The following ABI3BP variants were observed in gnomAD, a reference collection of about 807,000 sequenced individuals.
ABI3BP encodes the protein target of Nesh-SH3.
A neutral mutation model predicts 268.6 loss-of-function variants in ABI3BP; 216 were observed. The ratio of observed to expected loss-of-function variants is 0.80; its 90% confidence interval spans 0.72 to 0.90. The LOEUF (loss-of-function observed/expected upper bound fraction) is 0.90, where lower values mean the gene tolerates loss of function less well. ABI3BP is among the 40% of genes least tolerant of loss of function. The probability of loss-of-function intolerance (pLI) is 0.00; values close to 1 mark genes in which losing one functional copy is unlikely to be tolerated. For synonymous variants in ABI3BP, 730 were observed against 730.0 expected (o/e 1.00, Z 0.00); for missense variants, 2,090 against 2,182.4 (o/e 0.96, Z 0.84).
intron 32 of ABI3BP, 29 bp downstream of exon 32, chr3:100,830,549 A>G: frequency 2.6e-6 from 4 of 1,526,534 alleles, no homozygotes; most frequent in Non-Finnish European, 3.5e-6. Context: ...CAGGAGAGGC[A>G]GATGTTGATG....
intron 63 of ABI3BP, among the ~76,000 whole-genome samples, chr3:100,760,780 G>T (rs1007743193): frequency 3.9e-5 from 6 of 152,172 alleles, no homozygotes; most frequent in African/African-American, 1.4e-4. Context: ...CTCTAGATAG[G>T]AGAGGCTCTT....
chr3:100,932,645 G>A (rs907361408), intron 1 of ABI3BP, among the ~76,000 whole-genome samples: 4 of 152,032 alleles, frequency 2.6e-5, no homozygotes, highest in African/African-American at 9.7e-5. Flanking sequence ...AAACCACAAC[G>A]AGACATCATC....
chr3:100,840,225 T>C (rs1247990907), intron 22 of ABI3BP, 61 bp from the exon 23 acceptor site: 1 of 1,251,792 alleles, frequency 8.0e-7, no homozygotes, highest in East Asian at 2.6e-5. Context: ...TGATGATAAA[T>C]ATTACATCCA....
intron 11 of ABI3BP, chr3:100,864,616 G>C: frequency 1.9e-6 from 1 of 515,570 alleles, no homozygotes; most frequent in Middle Eastern, 2.9e-4. Flanking sequence ...ATCCAGATTT[G>C]CCCAGAAGTT....
At chr3:100,841,929 C>G in intron 21 of ABI3BP, 69 bp downstream of exon 21, 1 of 1,238,514 alleles carries the variant, frequency 8.1e-7, no homozygotes, top group Non-Finnish European at 1.1e-6. Context: ...AAACCCAAAG[C>G]TGAACAAAGT....
chr3:100,959,266 G>A (rs908475820), intron 1 of ABI3BP, among the ~76,000 whole-genome samples: 10 of 151,802 alleles, frequency 6.6e-5, no homozygotes, highest in South Asian at 2.1e-4. Context: ...CGAGGCGGGC[G>A]GATCACGAGG....
At chr3:100,974,436 A>G (rs2085105874) in intron 1 of ABI3BP, among the ~76,000 whole-genome samples, 1 of 152,200 alleles carries the variant, frequency 6.6e-6, no homozygotes, top group Non-Finnish European at 1.5e-5. Flanking sequence ...GGAGCTAACT[A>G]TTAATACATG....
chr3:100,845,849 T>G (rs1344463226), intron 20 of ABI3BP, among the ~76,000 whole-genome samples: 1 of 151,652 alleles, frequency 6.6e-6, no homozygotes, highest in Non-Finnish European at 1.5e-5. Flanking sequence ...AGCAGCCTTT[T>G]TTTTTTTTTT....
intron 9 of ABI3BP, among the ~76,000 whole-genome samples, chr3:100,869,932 G>A (rs975935978): frequency 2.0e-5 from 3 of 152,078 alleles, no homozygotes; most frequent in Non-Finnish European, 4.4e-5. Context: ...CCCTTTGTAT[G>A]TCCCTTGGGG....
At chr3:100,890,365 A>C (rs1334179256) in intron 4 of ABI3BP, among the ~76,000 whole-genome samples, 4 of 151,928 alleles carry the variant, frequency 2.6e-5, no homozygotes, top group Non-Finnish European at 5.9e-5. Context: ...CCTTCCTCTA[A>C]AGGGTCTCTC....
At chr3:100,855,671 A>G (rs1388322296) in intron 14 of ABI3BP, among the ~76,000 whole-genome samples, 1 of 152,362 alleles carries the variant, frequency 6.6e-6, no homozygotes, top group East Asian at 1.9e-4. Flanking sequence ...TTATGTTATG[A>G]TGTGCACGTG....
chr3:100,834,126 A>G (rs1055978629), intron 29 of ABI3BP, among the ~76,000 whole-genome samples: 2 of 152,136 alleles, frequency 1.3e-5, no homozygotes, highest in South Asian at 4.1e-4. Flanking sequence ...GCACATCACC[A>G]TATCTGGCTA....
chr3:100,820,113 T>G (rs2098175385), intron 40 of ABI3BP, 107 bp downstream of exon 40: 1 of 972,460 alleles, frequency 1.0e-6, no homozygotes, highest in Admixed American at 2.3e-5. Context: ...CTTTTGTGCC[T>G]TCATCCACAT....
rs147058891 is a variant in ABI3BP at position 100,898,990 on chromosome 3, G to A, written c.329-96C>T. The stretch of plus-strand genomic sequence containing the variant: ...ATTAAAGATGACTTGGCAAGATGAT[G>A]CAAAATGTGAAAACATCAAGTTCCT... On this transcript the variant is annotated intron_variant, in intron 3 of 67. Transcript: ENST00000471714. 1.2e-4 allele frequency: 162 copies of A among 1,308,934 alleles called. 1 individual carries two copies. In the African/African-American group the frequency reaches 2.3e-3, roughly 18 times the overall value. The allele number at this position is 1,308,934 out of a possible 1,614,324, so 81.1% of individuals were successfully genotyped here.
Position 100,993,358 on chromosome 3 carries a change from A to T in ABI3BP, c.27T>A (p.Leu9=). The change falls in exon 1 of 68, where the codon CTT becomes CTA. Residue 9 remains leucine (L), a synonymous_variant. Coordinates refer to ENST00000471714, the MANE Select transcript of ABI3BP (RefSeq NM_001375547.2). MLSSLGCL[L]LCGSITLALG... ...GGGCTAGTGTAATACTTCCACAGAG[A>T]AGTAGACACCCCAAACTGGAGAGCA... 3.2e-6 allele frequency: 5 copies of T among 1,553,618 alleles called. No individual in the cohort carries two copies. Among genetic ancestry groups the T allele is most frequent in the Non-Finnish European group, 4.4e-6 (5 of 1,147,866 alleles).
Position 100,840,206 on chromosome 3 carries a change from T to G in ABI3BP, c.1805-42A>C, listed in dbSNP as rs1223976635. 6 of 1,382,190 alleles carry G rather than the reference T, an allele frequency of 4.3e-6. No homozygotes were observed. The Admixed American group carries it at 1.1e-4, about 26-fold the overall frequency. The allele number at this position is 1,382,190 out of a possible 1,614,324, so 85.6% of individuals were successfully genotyped here. A position where few individuals can be genotyped will look rare whatever the true frequency, so the allele number is the denominator to read the frequency against. ...AGCAAGTTAATACAAGAAGGGTGGA[T>G]TTACAAACTGATGATAAATATTACA... On this transcript the variant is annotated intron_variant, in intron 22 of 67. Coordinates refer to ENST00000471714, the MANE Select transcript of ABI3BP (RefSeq NM_001375547.2).
intron 1 of ABI3BP, among the ~76,000 whole-genome samples, chr3:100,991,062 G>C (rs1431548620): frequency 6.6e-6 from 1 of 152,112 alleles, no homozygotes; most frequent in Non-Finnish European, 1.5e-5. Context: ...ATTCTCCCCT[G>C]TTCCCTTTGA....
Position 100,792,773 on chromosome 3 carries a change from A to C in ABI3BP, c.3947-5T>G. The stretch of plus-strand genomic sequence containing the variant: ...GGGTGGATTGGTCTGTTTCTTCTAG[A>C]GAAAACACAGTAAGATTGCTTGTTT... On this transcript the variant is annotated splice_region_variant and splice_polypyrimidine_tract_variant and intron_variant, in intron 54 of 67. Coordinates refer to ENST00000471714, the MANE Select transcript of ABI3BP (RefSeq NM_001375547.2). 1 of 1,609,830 alleles carries C rather than the reference A, an allele frequency of 6.2e-7. No homozygotes were observed. The highest frequency in any genetic ancestry group is 8.5e-7 in the Non-Finnish European group (1 of 1,176,904).
At chr3:100,906,503 G>C (rs2153527807) in intron 2 of ABI3BP, among the ~76,000 whole-genome samples, 1 of 152,246 alleles carries the variant, frequency 6.6e-6, no homozygotes, top group Non-Finnish European at 1.5e-5. Flanking sequence ...ATTCTTTGTG[G>C]ATTTATAGTA....
Sources: allele counts gnomAD v4.1 joint callset (sites outside exome capture counted in the v4.1 genomes callset), GRCh38; gene constraint gnomAD v4.1.1; transcripts MANE v1.5; gene names NCBI Gene and HGNC (gene_info 2026-07-23, HGNC 2026-07-21).